Variants in ZNF568 observed in about 807,000 individuals in gnomAD.
ZNF568 encodes p53 inhibitor of SCO2 activation.
ZNF568 carries 11 observed loss-of-function variants against 18.1 expected under a neutral mutation model. The observed-to-expected ratio is 0.61, with a 90% CI of 0.38 to 1.00. The LOEUF (loss-of-function observed/expected upper bound fraction) is 1.00, where lower values mean the gene tolerates loss of function less well. Ranked by LOEUF, ZNF568 falls within the 50% of genes least tolerant of loss-of-function variation. The pLI is 0.01. For missense variants in ZNF568, 639 were observed against 768.2 expected (o/e 0.83, Z 1.99); for synonymous variants, 213 against 246.6 (o/e 0.86, Z 1.28).
At chr19:36,989,093 C>G (rs1269991313) in intron 2 of ZNF568, among the ~76,000 whole-genome samples, 1 of 152,174 alleles carries the variant, frequency 6.6e-6, no homozygotes, top group Non-Finnish European at 1.5e-5. Context: ...GAACAGATTT[C>G]TTTTTCCTAA....
At chr19:36,980,369 G>A (rs147152897), downstream of ZNF568, 1 of 152,066 alleles carries the variant, frequency 6.6e-6, no homozygotes, top group Non-Finnish European at 1.5e-5. Flanking sequence ...TTAATTGTAG[G>A]GTGTGGTATT....
At chr19:36,971,803 C>T (rs1048449845) in intron 6 of ZNF568, among the ~76,000 whole-genome samples, 3 of 150,676 alleles carry the variant, frequency 2.0e-5, no homozygotes, top group Admixed American at 6.6e-5. Context: ...TCCCAAAGTG[C>T]TAGGATTACA....
At chr19:36,997,697 A>C (rs1194751362), downstream of ZNF568, 4 of 930,822 alleles carry the variant, frequency 4.3e-6, no homozygotes, top group East Asian at 2.6e-5. Flanking sequence ...CAAAGAATTC[A>C]TTCAGGACAG....
chr19:36,962,287 T>A lies in ZNF568; in HGVS notation c.359-12133T>A, dbSNP rs1235367957. Among the ~76,000 whole-genome samples the A allele has an allele frequency of 1.4e-4, 20 of 143,088 alleles. No homozygotes were observed. In the South Asian group the frequency reaches 3.1e-3, roughly 22 times the overall value. 93.9% of individuals were successfully genotyped at this position (143,088 alleles called of 152,430 possible). On this transcript the variant is annotated intron_variant, in intron 6 of 7. Coordinates refer to the ZNF568 transcript ENST00000427117. ...GGTAAGTGTTGCAGTGTTTTTTTTT[T>A]TTTTTTTTTTTTTGCTTCCAGGTTT...
exon 5 of ZNF568, chr19:36,996,814 G>A (rs1454407536): frequency 6.4e-7 from 1 of 1,550,694 alleles, no homozygotes. Flanking sequence ...ATGTGGGAAA[G>A]CCTTTCGTTC....
At chr19:36,918,948 G>A (rs1292146289) in intron 2 of ZNF568, among the ~76,000 whole-genome samples, 6 of 152,110 alleles carry the variant, frequency 3.9e-5, no homozygotes, top group African/African-American at 1.4e-4. Context: ...ATCCATGTTA[G>A]CATGTATTGG....
intron 2 of ZNF568, among the ~76,000 whole-genome samples, chr19:36,987,220 T>G (rs1360222135): frequency 6.6e-6 from 1 of 152,100 alleles, no homozygotes; most frequent in Non-Finnish European, 1.5e-5. Context: ...AGGAAGGCCA[T>G]GGGTAATCTC....
At chr19:36,942,395 C>G (rs926885871) in intron 6 of ZNF568, among the ~76,000 whole-genome samples, 1 of 151,420 alleles carries the variant, frequency 6.6e-6, no homozygotes, top group African/African-American at 2.4e-5. Context: ...GTCAGGAGAT[C>G]GAGACCATCC....
At position 36,927,903 on chromosome 19, in the gene ZNF568, ATTTTTTTTTTTTTTTT is replaced by A. The variant is rs71177414; in HGVS notation, c.135+2658_135+2673del. ...ATATATATATTATATATATATATAT[ATTTTTTTTTTTTTTTT>A]TTTTTTTTTTTTGGTGATGAAGTCT... On this transcript the variant is annotated intron_variant, in intron 4 of 6. Transcript: ENST00000333987. 3.3e-3 allele frequency among the ~76,000 whole-genome samples: 89 copies of A among 26,614 alleles called. 2 individuals are homozygous for A. Among genetic ancestry groups the A allele is most frequent in the Middle Eastern group, 0.05 (2 of 40 alleles). The allele number at this position is 26,614 out of a possible 152,430, so 17.5% of individuals were successfully genotyped here.
downstream of ZNF568, among the ~76,000 whole-genome samples, chr19:36,982,993 TGAACCAA>T (rs1342569728): frequency 6.6e-6 from 1 of 152,270 alleles, no homozygotes; most frequent in Non-Finnish European, 1.5e-5. Context: ...CCTTGGCCTG[TGAACCAA>T]GATTGTTTTC....
intron 3 of ZNF568, among the ~76,000 whole-genome samples, chr19:36,924,338 C>T (rs139582992): frequency 0.18 from 26,809 of 151,340 alleles, 2,387 homozygotes; most frequent in Middle Eastern, 0.21. Flanking sequence ...CCTGCCTCAG[C>T]CTCCCAAGTA....
chr19:36,942,593 C>T (rs531069464), intron 6 of ZNF568, among the ~76,000 whole-genome samples: 5 of 100,678 alleles, frequency 5.0e-5, no homozygotes, highest in South Asian at 3.4e-4. Context: ...GACCAGACTC[C>T]GTCTCAAAAA....
At chr19:36,991,204 A>G in exon 3 of ZNF568, 2 of 1,536,212 alleles carry the variant, frequency 1.3e-6, no homozygotes, top group East Asian at 2.4e-5. Context: ...GTGGTCATTT[A>G]CTTCTCTCAA....
At chr19:36,918,884 G>A (rs1455124761) in intron 2 of ZNF568, among the ~76,000 whole-genome samples, 4 of 152,080 alleles carry the variant, frequency 2.6e-5, no homozygotes, top group Non-Finnish European at 5.9e-5. Flanking sequence ...AGAATCATAT[G>A]TTGTTTGTGC....
intron 6 of ZNF568, among the ~76,000 whole-genome samples, chr19:36,943,450 A>C (rs765359885): frequency 2.3e-4 from 35 of 152,168 alleles, no homozygotes; most frequent in Non-Finnish European, 3.2e-4. Context: ...CTTTCTCTTC[A>C]AAAGCTTTTA....
chr19:36,921,520 A>G (rs1266145720), intron 2 of ZNF568, among the ~76,000 whole-genome samples: 1 of 151,962 alleles, frequency 6.6e-6, no homozygotes, highest in Non-Finnish European at 1.5e-5. Context: ...TGTGAGGGGT[A>G]TTAGGAGGAT....
intron 2 of ZNF568, chr19:36,990,970 C>T (rs1034423426): frequency 2.0e-6 from 1 of 494,188 alleles, no homozygotes; most frequent in Non-Finnish European, 3.6e-6. Flanking sequence ...GCTACCTTTG[C>T]AGGAGTAAGC....
chr19:36,963,586 T>G (rs1408486119), intron 6 of ZNF568, among the ~76,000 whole-genome samples: 1 of 152,186 alleles, frequency 6.6e-6, no homozygotes, highest in Non-Finnish European at 1.5e-5. Flanking sequence ...CAGTCTCTAT[T>G]AAATGAATTT....
rs2146312826 is a variant in ZNF568 at position 36,950,766 on chromosome 19, C to G, written c.1613C>G (p.Ala538Gly). 1 of 1,613,614 alleles carries G rather than the reference C, an allele frequency of 6.2e-7. No individual in the cohort carries two copies. Reference sequence around the variant, plus strand: ...TATCATTGTAATCAATGTGGGAAAGCTTTCAGTCAGAGACAAAATCTTCTT... The same window carrying G: ...TATCATTGTAATCAATGTGGGAAAGGTTTCAGTCAGAGACAAAATCTTCTT... ...KPYHCNQCGK[A>G]FSQRQNLLEH... The change falls in exon 7 of 7, where the codon GCT becomes GGT. Residue 538 changes from alanine to glycine, a missense_variant. By Grantham distance (60) the Ala-to-Gly change is moderately conservative. Transcript: ENST00000333987.
Sources: gnomAD v4.1 joint callset for allele counts (sites outside exome capture counted in the v4.1 genomes callset) on GRCh38, gnomAD v4.1.1 for gene constraint, MANE v1.5 for transcripts, NCBI Gene and HGNC (gene_info 2026-07-23, HGNC 2026-07-21) for gene names.